The following COL28A1 variants were observed in gnomAD, a reference collection of about 807,000 sequenced individuals.
COL28A1 encodes the protein collagen type XXVIII alpha 1 chain, also known as collagen alpha-1(XXVIII) chain.
COL28A1 carries 161 observed loss-of-function variants against 150.2 expected under a neutral mutation model. That is an observed-to-expected ratio of 1.07 (90% confidence interval 0.94 to 1.22). The LOEUF (loss-of-function observed/expected upper bound fraction) is 1.22, where lower values mean the gene tolerates loss of function less well. Among genes scored for constraint, COL28A1 ranks in the 50% most tolerant of loss-of-function variants. The probability of loss-of-function intolerance (pLI) is 0.00; values close to 1 mark genes in which losing one functional copy is unlikely to be tolerated. For synonymous variants in COL28A1, 552 were observed against 469.7 expected, an observed-to-expected ratio of 1.18 and a Z score of -2.26; for missense variants, 1,617 against 1,388.3, an observed-to-expected ratio of 1.16 and a Z score of -2.62.
chr7:7,543,864 T>C, the COL28A1 span, among the ~76,000 whole-genome samples: 1 of 145,814 alleles, frequency 6.9e-6, no homozygotes, highest in African/African-American at 2.4e-5. Context: ...CAAGGTGACA[T>C]GAGCCATCTT....
At chr7:7,402,258 C>G (rs986824440) in intron 27 of COL28A1, among the ~76,000 whole-genome samples, 1 of 152,180 alleles carries the variant, frequency 6.6e-6, no homozygotes, top group Non-Finnish European at 1.5e-5. Flanking sequence ...GAACATTTCG[C>G]TTCTTCCCGT....
intron 25 of COL28A1, chr7:7,431,694 T>A: frequency 2.2e-6 from 1 of 458,452 alleles, no homozygotes; most frequent in Non-Finnish European, 4.6e-6. Context: ...TGGTATATGC[T>A]CTGATTTACG....
intron 33 of COL28A1, among the ~76,000 whole-genome samples, chr7:7,360,922 C>T (rs1387848473): frequency 1.3e-5 from 2 of 152,230 alleles, no homozygotes; most frequent in Non-Finnish European, 2.9e-5. Flanking sequence ...ATTTCTTTAA[C>T]ATTTTTATGG....
intron 15 of COL28A1, among the ~76,000 whole-genome samples, chr7:7,457,292 G>T (rs1477764244): frequency 6.6e-6 from 1 of 152,128 alleles, no homozygotes; most frequent in Non-Finnish European, 1.5e-5. Context: ...AGAGATGATG[G>T]GGCACAAACC....
chr7:7,370,740 T>C lies in COL28A1; in HGVS notation c.3051A>G (p.Lys1017=). The part of the protein sequence containing the change: ...ELSESTPEPQ[K]EISESLSVTR... ...AGTTACTTACTGACTCAGAAATTTC[T>C]TTTTGAGGCTCTGGAGTAGATTCAC... is the stretch of plus-strand genomic sequence containing the variant. The change falls in exon 33 of 35, where the codon AAA becomes AAG. Residue 1017 remains lysine, a synonymous_variant. Transcript: ENST00000399429. The C allele has an allele frequency of 1.9e-6, 3 of 1,611,068 alleles. No individual in the cohort carries two copies. The South Asian group carries it at 3.3e-5, about 18-fold the overall frequency.
chr7:7,391,798 CTGCTT>C (rs1452153539), intron 27 of COL28A1, among the ~76,000 whole-genome samples: 41 of 95,412 alleles, frequency 4.3e-4, no homozygotes, highest in African/African-American at 1.3e-3. Context: ...ATTGCAACCC[CTGCTT>C]TTTTTTTTTT....
intron 25 of COL28A1, among the ~76,000 whole-genome samples, chr7:7,426,200 T>G (rs186511042): frequency 1.4e-3 from 218 of 152,358 alleles, no homozygotes; most frequent in African/African-American, 5.0e-3. Context: ...AACTGAGGAA[T>G]GACTGGGTTT....
intron 6 of COL28A1, among the ~76,000 whole-genome samples, chr7:7,519,141 C>G (rs953533111): frequency 3.9e-5 from 6 of 152,160 alleles, no homozygotes; most frequent in Non-Finnish European, 7.4e-5. Flanking sequence ...TTCCACAGTG[C>G]TGGGGAGACC....
chr7:7,527,283 C>T (rs1441733869), intron 3 of COL28A1, among the ~76,000 whole-genome samples: 2 of 152,164 alleles, frequency 1.3e-5, no homozygotes, highest in Non-Finnish European at 2.9e-5. Context: ...CACAGCAACC[C>T]GAGTAGGAAG....
chr7:7,390,887 T>A (rs572034787), intron 27 of COL28A1, among the ~76,000 whole-genome samples: 212 of 152,320 alleles, frequency 1.4e-3, no homozygotes, highest in African/African-American at 4.9e-3. Flanking sequence ...TCTCTTTTAT[T>A]GGTCCAGCTA....
Position 7,530,743 on chromosome 7 carries a change from G to GA in COL28A1, c.681+604dup, listed in dbSNP as rs754760165. ...AGTGGGACTCATTGATTTGATGGGA[G>GA]AAACTGTTGCTTGACTGCAGGTTGC... On this transcript the variant is annotated intron_variant, in intron 3 of 34. Transcript: ENST00000399429. Among the ~76,000 whole-genome samples, 6 of 152,322 alleles carry GA rather than the reference G, an allele frequency of 3.9e-5. No individual in the cohort carries two copies. The East Asian group carries it at 1.2e-3, about 29-fold the overall frequency.
intron 18 of COL28A1, among the ~76,000 whole-genome samples, chr7:7,450,619 C>T (rs997767274): frequency 6.6e-6 from 1 of 152,154 alleles, no homozygotes; most frequent in Non-Finnish European, 1.5e-5. Flanking sequence ...TTGGTAGTAT[C>T]ACAATTGAAG....
upstream of COL28A1, among the ~76,000 whole-genome samples, chr7:7,536,106 C>T (rs1360724196): frequency 6.6e-6 from 1 of 152,028 alleles, no homozygotes; most frequent in Non-Finnish European, 1.5e-5. Context: ...CATGCTATGT[C>T]CTTCTCTTTT....
chr7:7,494,855 T>C (rs756037140), intron 11 of COL28A1, among the ~76,000 whole-genome samples: 2 of 152,200 alleles, frequency 1.3e-5, no homozygotes, highest in Non-Finnish European at 2.9e-5. Context: ...AAGTTTCATA[T>C]AGTAGAGGAG....
chr7:7,367,377 C>G (rs193018006), intron 33 of COL28A1, among the ~76,000 whole-genome samples: 3 of 152,186 alleles, frequency 2.0e-5, no homozygotes, highest in African/African-American at 7.2e-5. Context: ...TTTGTTCAAA[C>G]TAAATATCAA....
At chr7:7,396,581 A>G (rs777305432) in intron 27 of COL28A1, among the ~76,000 whole-genome samples, 12 of 152,146 alleles carry the variant, frequency 7.9e-5, no homozygotes, top group Non-Finnish European at 1.3e-4. Context: ...TCTAATGGGG[A>G]CTAAGACGGC....
At chr7:7,539,840 G>A (rs1279587878), upstream of COL28A1, among the ~76,000 whole-genome samples, 2 of 151,876 alleles carry the variant, frequency 1.3e-5, no homozygotes, top group Admixed American at 6.6e-5. Flanking sequence ...CTTTTATATC[G>A]TTTACTCCCT....
rs559691437 is a variant in COL28A1 at position 7,498,825 on chromosome 7, A to G, written c.1026+7189T>C. ...CCCCTTTGACTATGCATGCAGTTTA[A>G]ACTCAGCCACTTTGTGGGAAATGTT... is the stretch of plus-strand genomic sequence containing the variant. On this transcript the variant is annotated intron_variant, in intron 11 of 34. Transcript: ENST00000399429. Among the ~76,000 whole-genome samples the G allele has an allele frequency of 9.1e-4, 138 of 152,184 alleles. 1 individual carries two copies. Among genetic ancestry groups the G allele is most frequent in the African/African-American group, 3.2e-3 (133 of 41,524 alleles).
chr7:7,371,229 A>T (rs1164311218), intron 32 of COL28A1, among the ~76,000 whole-genome samples: 1 of 152,216 alleles, frequency 6.6e-6, no homozygotes, highest in African/African-American at 2.4e-5. Context: ...AGTTGCAAAT[A>T]TTCTTTACAG....
Sources: gnomAD v4.1 joint callset for allele counts (sites outside exome capture counted in the v4.1 genomes callset) on GRCh38, gnomAD v4.1.1 for gene constraint, MANE v1.5 for transcripts, NCBI Gene and HGNC (gene_info 2026-07-23, HGNC 2026-07-21) for gene names.